Variants in PALB2 observed in about 807,000 individuals in gnomAD.
The protein encoded by PALB2 is mutant partner and localizer of BRCA2.
PALB2 carries 82 observed loss-of-function variants against 107.4 expected under a neutral mutation model. The ratio of observed to expected loss-of-function variants is 0.76; its 90% CI spans 0.64 to 0.92. The LOEUF (loss-of-function observed/expected upper bound fraction) is 0.92, where lower values mean the gene tolerates loss of function less well. Ranked by LOEUF, PALB2 falls within the 40% of genes least tolerant of loss-of-function variation. PALB2 has a pLI of 0.00. For missense variants in PALB2, 1,374 were observed against 1,379.9 expected (o/e 1.00, Z 0.07); for synonymous variants, 489 against 496.8 (o/e 0.98, Z 0.21).
At chr16:23,616,949 A>G (rs1490530625) in intron 10 of PALB2, among the ~76,000 whole-genome samples, 1 of 151,892 alleles carries the variant, frequency 6.6e-6, no homozygotes, top group Non-Finnish European at 1.5e-5. Flanking sequence ...AGTAGCTGGG[A>G]CTACAGGCAC....
intron 5 of PALB2, 92 bp from the exon 6 acceptor site, chr16:23,629,367 C>G (rs1196765777): frequency 3.4e-6 from 4 of 1,192,676 alleles, no homozygotes; most frequent in Non-Finnish European, 5.0e-6. Context: ...TTCGTATTGT[C>G]TTTATTTCCT....
Position 23,629,892 on chromosome 16 carries a change from A to C in PALB2, c.2262T>G (p.Thr754=), listed in dbSNP as rs775456479. Residue 754 remains threonine (T), a synonymous_variant, in exon 5 of 13, where the codon ACT becomes ACG. Coordinates refer to ENST00000261584, the MANE Select transcript of PALB2 (RefSeq NM_024675.4). ...AATGAGCAAGTTGGGGTGTGCAGCA[A>C]GTTCGTCCAGCAACTTCTGTAGATG... ...EKASTEVAGR[T]CCTPQLAHLK... 1 of 1,614,186 alleles carries C rather than the reference A, an allele frequency of 6.2e-7. No homozygotes were observed. Among genetic ancestry groups the C allele is most frequent in the South Asian group, 1.1e-5 (1 of 91,084 alleles).
chr16:23,631,428 C>T (rs967597469), intron 4 of PALB2, among the ~76,000 whole-genome samples: 1 of 151,702 alleles, frequency 6.6e-6, no homozygotes, highest in Non-Finnish European at 1.5e-5. Flanking sequence ...GAAACTGCAC[C>T]ACTGCACTCC....
In PALB2 at chr16:23,625,122, C is replaced by G. The variant is rs11866329; in HGVS notation, c.2749-1028G>C. Among the ~76,000 whole-genome samples the G allele has an allele frequency of 1.8e-3, 269 of 152,234 alleles. 1 individual carries two copies. The highest frequency in any genetic ancestry group is 5.3e-3 in the African/African-American group (221 of 41,550). ...CCGAGGCGAGTGGATCACTTGAGGT[C>G]AGGAGTTAGAGACCATCCTGGCCAA... is the stretch of plus-strand genomic sequence containing the variant. On this transcript the variant is annotated intron_variant, in intron 7 of 12. Transcript: ENST00000261584.
rs1966842946 is a variant in PALB2, at chr16:23,626,408, G to A, written c.2587-11C>T. The A allele has an allele frequency of 6.2e-7, 1 of 1,614,116 alleles. No individual in the cohort carries two copies. The highest frequency in any genetic ancestry group is 8.5e-7 in the Non-Finnish European group (1 of 1,180,018). Reference sequence around the variant, plus strand: ...GGAACCTGAAGGATTCTGACACAATGGCAACAGTTCTGTTAAAGTGGCACT... The same window carrying A: ...GGAACCTGAAGGATTCTGACACAATAGCAACAGTTCTGTTAAAGTGGCACT... On this transcript the variant is annotated splice_polypyrimidine_tract_variant and intron_variant, in intron 6 of 12. Coordinates refer to ENST00000261584, the MANE Select transcript of PALB2 (RefSeq NM_024675.4).
At chr16:23,634,824 T>G in intron 4 of PALB2, 38 bp downstream of exon 4, 1 of 1,587,842 alleles carries the variant, frequency 6.3e-7, no homozygotes, top group East Asian at 2.3e-5. Flanking sequence ...TTAACTTTCA[T>G]CATCATCATC....
intron 1 of PALB2, chr16:23,640,572 C>G (rs556586028): frequency 5.6e-5 from 13 of 231,690 alleles, no homozygotes; most frequent in African/African-American, 2.6e-4. Context: ...CTACAACATA[C>G]TGTCTAGAAC....
Position 23,607,995 on chromosome 16 carries a change from G to A in PALB2, c.3219C>T (p.Val1073=), listed in dbSNP as rs876658924. 1 of 1,613,900 alleles carries A rather than the reference G, an allele frequency of 6.2e-7. No individual in the cohort carries two copies. Among genetic ancestry groups the A allele is most frequent in the Non-Finnish European group, 8.5e-7 (1 of 1,179,874 alleles). The part of the protein sequence containing the change: ...AYSEMGLLFI[V]LSHPCAKESE... ...TCTCTTTGGCACAGGGATGACTCAG[G>A]ACAATAAAGAGAAGCCCCTAATTTC... is the stretch of plus-strand genomic sequence containing the variant. The change falls in exon 12 of 13, where the codon GTC becomes GTT. Residue 1073 remains valine (V), a synonymous_variant. Coordinates refer to ENST00000261584, the MANE Select transcript of PALB2 (RefSeq NM_024675.4).
At chr16:23,629,330 G>T in intron 5 of PALB2, 55 bp from the exon 6 acceptor site, 2 of 1,429,300 alleles carry the variant, frequency 1.4e-6, no homozygotes, top group Non-Finnish European at 2.0e-6. Flanking sequence ...ATGTCTGCCT[G>T]CATTACCCAC....
intron 4 of PALB2, among the ~76,000 whole-genome samples, 198 bp downstream of exon 4, chr16:23,634,647 ATTTATTTATTTATTTAT>A (rs1966939599): frequency 1.0e-5 from 1 of 98,392 alleles, no homozygotes; most frequent in Non-Finnish European, 2.1e-5. Flanking sequence ...ATTTTTATTT[ATTTATTTATTTATTTAT>A]TTATTTATTT....
Position 23,623,001 on chromosome 16 carries a change from TTG to T in PALB2, c.2962_2963del (p.Gln988SerfsTer22), listed in dbSNP as rs1555459528. On this transcript the variant is annotated frameshift_variant, in exon 9 of 13. Transcript: ENST00000261584. LOFTEE classifies it high-confidence loss of function. ...VSSSGTLSDQ[Q>X]VEVMTFAEDG... ...CTTCTGCAAACGTCATGACTTCTAC[TTG>T]TTGATCAGAAAGGGTCCCACTGCTA... The T allele has an allele frequency of 6.2e-7, 1 of 1,614,062 alleles. No homozygotes were observed. Among genetic ancestry groups the T allele is most frequent in the Admixed American group, 1.7e-5 (1 of 59,986 alleles).
In PALB2 at chr16:23,630,398, C is replaced by A. The variant is rs587781954; in HGVS notation, c.1756G>T (p.Asp586Tyr). ...CTATGAAATGGAGCCGTGAAAGCAT[C>A]ATCATCCAAGGATAAATAAGCACTA... ...SNSAYLSLDD[D>Y]AFTAPFHRDG... Residue 586 changes from aspartate (D) to tyrosine (Y), a missense_variant, in exon 5 of 13, where the codon GAT (aspartate) becomes TAT (tyrosine). Asp to Tyr is a radical substitution (Grantham distance 160). Transcript: ENST00000261584. 1 of 1,613,972 alleles carries A rather than the reference C, an allele frequency of 6.2e-7. No homozygotes were observed. Among genetic ancestry groups the A allele is most frequent in the African/African-American group, 1.3e-5 (1 of 74,922 alleles).
intron 6 of PALB2, 66 bp from the exon 7 acceptor site, chr16:23,626,463 T>C: frequency 6.5e-7 from 1 of 1,545,180 alleles, no homozygotes; most frequent in Non-Finnish European, 8.9e-7. Context: ...AGCATAAGTA[T>C]GCAAAGTGAT....
chr16:23,623,069 T>C lies in PALB2; in HGVS notation c.2896A>G (p.Ile966Val), dbSNP rs786204248. 9.3e-6 allele frequency: 15 copies of C among 1,614,148 alleles called. No individual in the cohort carries two copies. Among genetic ancestry groups the C allele is most frequent in the Middle Eastern group, 3.3e-4 (2 of 6,062 alleles). ...EKQVLLKSGN[I>V]KAVLGLTKRR... ...TTTGTCAGGCCAAGCACAGCTTTTA[T>C]ATTTCCAGACTTCAGTAGTACTTGC... The change falls in exon 9 of 13, where the codon ATA becomes GTA. Residue 966 changes from isoleucine to valine, a missense_variant. Physicochemically the swap from Ile to Val is conservative, Grantham distance 29 (BLOSUM62 3). Transcript: ENST00000261584.
chr16:23,615,602 G>A (rs1270330592), intron 10 of PALB2, among the ~76,000 whole-genome samples: 2 of 152,002 alleles, frequency 1.3e-5, no homozygotes, highest in Admixed American at 1.3e-4. Context: ...ACTGCACCTG[G>A]TTCATGTTAC....
At chr16:23,605,681 T>C (rs1966459313) in intron 12 of PALB2, among the ~76,000 whole-genome samples, 1 of 152,226 alleles carries the variant, frequency 6.6e-6, no homozygotes, top group South Asian at 2.1e-4. Flanking sequence ...AGTGCTGGGA[T>C]TACAGGCATG....
rs146455175 is a variant in PALB2, at chr16:23,629,229, T to C, written c.2561A>G (p.Asn854Ser). 8 of 1,613,648 alleles carry C rather than the reference T, an allele frequency of 5.0e-6. No homozygotes were observed. Among genetic ancestry groups the C allele is most frequent in the Middle Eastern group, 1.6e-4 (1 of 6,062 alleles). The change falls in exon 6 of 13, where the codon AAC becomes AGC. Residue 854 changes from asparagine to serine, a missense_variant. By Grantham distance (46) the Asn-to-Ser change is conservative (BLOSUM62 1). Transcript: ENST00000261584. ...CTTTAACTCTGAAACCAATTGTAGG[T>C]TGCCTGGGTTTATGCTATCAGAAGC... ...LPASDSINPG[N>S]LQLVSELKNP...
At chr16:23,605,491 C>T (rs1966454118) in intron 12 of PALB2, among the ~76,000 whole-genome samples, 1 of 152,204 alleles carries the variant, frequency 6.6e-6, no homozygotes, top group Non-Finnish European at 1.5e-5. Context: ...TCACTGCAAC[C>T]TCTGCCTCCC....
intron 10 of PALB2, among the ~76,000 whole-genome samples, chr16:23,614,968 G>A (rs1022067843): frequency 3.0e-3 from 138 of 45,698 alleles, no homozygotes; most frequent in Middle Eastern, 0.013. Context: ...TTTTTTTTTT[G>A]AGATGGAGTC....
Sources: gnomAD v4.1 joint callset for allele counts (sites outside exome capture counted in the v4.1 genomes callset) on GRCh38, gnomAD v4.1.1 for gene constraint, MANE v1.5 for transcripts, NCBI Gene and HGNC (gene_info 2026-07-23, HGNC 2026-07-21) for gene names.